The following NECAB2 variants were observed in gnomAD, a reference collection of about 807,000 sequenced individuals.
The protein encoded by NECAB2 is N-terminal EF-hand calcium-binding protein 2.
Under a neutral mutation model 51.9 loss-of-function variants are expected in NECAB2, and 68 were observed. That is an observed-to-expected ratio of 1.31 (90% CI 1.08 to 1.60). The LOEUF is 1.60. Ranked by LOEUF, NECAB2 falls within the 40% of genes most tolerant of loss-of-function variation. The pLI, the probability that NECAB2 is intolerant of heterozygous loss-of-function variation, is 0.00. For missense variants in NECAB2, 854 were observed against 490.3 expected (o/e 1.74, Z -7.00); for synonymous variants, 329 against 203.5 (o/e 1.62, Z -5.25).
Position 83,985,167 on chromosome 16 carries a change from G to A in NECAB2, c.459+4040G>A, listed in dbSNP as rs527412975. Among the ~76,000 whole-genome samples the A allele has an allele frequency of 7.2e-5, 11 of 151,848 alleles. No individual in the cohort carries two copies. The South Asian group carries it at 1.7e-3, about 23-fold the overall frequency. ...GTCTGTACTAAAAATACAAAAATTA[G>A]CCGAGCGTGGTGGCAGGCGCCTGTA... On this transcript the variant is annotated intron_variant, in intron 5 of 12. Transcript: ENST00000305202.
chr16:83,969,060 C>A (rs1449681022), intron 1 of NECAB2, among the ~76,000 whole-genome samples: 1 of 151,256 alleles, frequency 6.6e-6, no homozygotes, highest in Non-Finnish European at 1.5e-5. Context: ...GACCGGGAGA[C>A]CCCCCTCCTC....
At chr16:83,965,503 G>A (rs140686634), upstream of NECAB2, 278 of 1,611,734 alleles carry the variant, frequency 1.7e-4, no homozygotes, top group African/African-American at 2.9e-3. Flanking sequence ...ACAACATCCC[G>A]GTGATCCATG....
Position 84,001,855 on chromosome 16 carries a change from C to T in NECAB2, c.1071C>T (p.Phe357=). 1 of 1,614,166 alleles carries T rather than the reference C, an allele frequency of 6.2e-7. No homozygotes were observed. Among genetic ancestry groups the T allele is most frequent in the South Asian group, 1.1e-5 (1 of 91,090 alleles). Residue 357 remains phenylalanine, a synonymous_variant, in exon 12 of 13, where the codon TTC becomes TTT. Transcript: ENST00000305202. ...TGCAGAGCCCCCTGTGTAAGGCGTT[C>T]CGGCACGTCAAGGTGGACACACTGA... ...RHLQSPLCKA[F]RHVKVDTLSQ...
At chr16:83,978,800 T>A (rs1461821196) in intron 3 of NECAB2, among the ~76,000 whole-genome samples, 2 of 151,912 alleles carry the variant, frequency 1.3e-5, no homozygotes, top group African/African-American at 4.8e-5. Context: ...AGACTCCTGG[T>A]TTTGCACAGT....
intron 8 of NECAB2, 47 bp from the exon 9 acceptor site, chr16:83,997,169 G>C (rs200664881): frequency 1.9e-6 from 3 of 1,611,948 alleles, no homozygotes; most frequent in African/African-American, 2.7e-5. Flanking sequence ...TCCCCGGGGC[G>C]GAGTGGGGCT....
chr16:83,993,216 T>C (rs1040558749), intron 6 of NECAB2, among the ~76,000 whole-genome samples: 1 of 152,118 alleles, frequency 6.6e-6, no homozygotes, highest in Admixed American at 6.5e-5. Context: ...GGCTACTGGC[T>C]CAGACCCCAC....
chr16:84,001,763 G>T, intron 11 of NECAB2, 62 bp from the exon 12 acceptor site: 11 of 1,565,170 alleles, frequency 7.0e-6, no homozygotes, highest in South Asian at 2.2e-5. Context: ...GGATTAACAG[G>T]GGAGCCACAC....
chr16:83,998,326 G>A lies in NECAB2; in HGVS notation c.962+9G>A, dbSNP rs1313930466. 1 of 1,612,406 alleles carries A rather than the reference G, an allele frequency of 6.2e-7. No individual in the cohort carries two copies. Among genetic ancestry groups the A allele is most frequent in the East Asian group, 2.2e-5 (1 of 44,874 alleles). On this transcript the variant is annotated intron_variant, in intron 10 of 12. Coordinates refer to ENST00000305202, the MANE Select transcript of NECAB2 (RefSeq NM_019065.3). ...GTGAGGAACTGCTTCCAGTGAGTGA[G>A]CTGCCGAGGCGTGGGTGGGATGGTG... is the stretch of plus-strand genomic sequence containing the variant.
rs571838104 is a variant in NECAB2 at position 83,993,884 on chromosome 16, C to T, written c.597-418C>T. Reference sequence around the variant, plus strand: ...AGGGGGGTCTTGAAACCAGGTCCCCCACCCCAGAGGGCACCAAACATTAAA... The same window carrying T: ...AGGGGGGTCTTGAAACCAGGTCCCCTACCCCAGAGGGCACCAAACATTAAA... On this transcript the variant is annotated intron_variant, in intron 6 of 12. Coordinates refer to ENST00000305202, the MANE Select transcript of NECAB2 (RefSeq NM_019065.3). Among the ~76,000 whole-genome samples, 6 of 152,244 alleles carry T rather than the reference C, an allele frequency of 3.9e-5. No individual in the cohort carries two copies. The East Asian group carries it at 1.2e-3, about 29-fold the overall frequency.
At chr16:83,965,561 C>T (rs1424213493), upstream of NECAB2, 3 of 1,612,898 alleles carry the variant, frequency 1.9e-6, no homozygotes, top group South Asian at 3.3e-5. Context: ...CAACCAGCTG[C>T]CCAAGATGCT....
At chr16:83,980,896 G>A (rs1205882126) in intron 4 of NECAB2, 32 bp downstream of exon 4, 2 of 1,613,570 alleles carry the variant, frequency 1.2e-6, no homozygotes, top group Non-Finnish European at 1.7e-6. Flanking sequence ...GACCAAGATG[G>A]GGATGCTGGG....
At chr16:83,977,920 C>T (rs2084434310) in intron 2 of NECAB2, among the ~76,000 whole-genome samples, 1 of 152,150 alleles carries the variant, frequency 6.6e-6, no homozygotes, top group Non-Finnish European at 1.5e-5. Flanking sequence ...CGTTTGGAAG[C>T]TATGGAGTGG....
chr16:84,002,191 GCAAGGACCTGTGTGTCACA>G, intron 12 of NECAB2, 108 bp from the exon 13 acceptor site: 2 of 1,255,010 alleles, frequency 1.6e-6, no homozygotes, highest in African/African-American at 1.5e-5. Flanking sequence ...TGGGTGACCA[GCAAGGACCTGTGTGTCACA>G]CAAGGACTCA....
chr16:83,986,015 G>A (rs1024185725), intron 5 of NECAB2, among the ~76,000 whole-genome samples: 2 of 152,096 alleles, frequency 1.3e-5, no homozygotes, highest in Non-Finnish European at 1.5e-5. Flanking sequence ...ATTTTTTCTT[G>A]TTTCTTTTTT....
chr16:83,980,980 G>T, intron 4 of NECAB2, 50 bp from the exon 5 acceptor site: 3 of 1,606,468 alleles, frequency 1.9e-6, no homozygotes, highest in East Asian at 2.2e-5. Context: ...GGAGTGCTGA[G>T]TGGGAGGGGC....
At chr16:84,000,600 CAGGAAGAAACATTGA>C in intron 10 of NECAB2, 109 bp from the exon 11 acceptor site, 2 of 706,758 alleles carry the variant, frequency 2.8e-6, no homozygotes, top group Non-Finnish European at 4.9e-6. Flanking sequence ...GAGGTCAAGA[CAGGAAGAAACATTGA>C]AGGCAGCCGT....
At chr16:83,975,350 G>A (rs1234987057) in intron 2 of NECAB2, among the ~76,000 whole-genome samples, 2 of 151,976 alleles carry the variant, frequency 1.3e-5, no homozygotes, top group Non-Finnish European at 2.9e-5. Flanking sequence ...GAACAGGTGT[G>A]CAGGGATGAG....
chr16:83,999,890 A>T (rs962077949), intron 10 of NECAB2, among the ~76,000 whole-genome samples: 1 of 137,786 alleles, frequency 7.3e-6, no homozygotes, highest in Non-Finnish European at 1.5e-5. Context: ...TGATTTTTAA[A>T]GGTTTTTTGA....
intron 3 of NECAB2, among the ~76,000 whole-genome samples, chr16:83,979,357 C>T (rs950029209): frequency 5.3e-5 from 8 of 152,204 alleles, no homozygotes; most frequent in African/African-American, 1.9e-4. Context: ...TAGAGATGGT[C>T]TGGACAAGGA....
Sources: gnomAD v4.1 joint callset for allele counts (sites outside exome capture counted in the v4.1 genomes callset) on GRCh38, gnomAD v4.1.1 for gene constraint, MANE v1.5 for transcripts, NCBI Gene and HGNC (gene_info 2026-07-23, HGNC 2026-07-21) for gene names.